The following BCAS1 variants were observed in gnomAD, a reference collection of about 807,000 sequenced individuals.
The protein encoded by BCAS1 is breast carcinoma-amplified sequence 1.
A neutral mutation model predicts 65.4 loss-of-function variants in BCAS1; 46 were observed. That is an observed-to-expected ratio of 0.70 (90% confidence interval 0.55 to 0.90). BCAS1 has a LOEUF of 0.90. Among genes scored for constraint, BCAS1 ranks in the 40% least tolerant of loss-of-function variants. The pLI is 0.00. For synonymous variants in BCAS1, 298 were observed against 293.5 expected, an observed-to-expected ratio of 1.02 and a Z score of -0.16; for missense variants, 793 against 771.2, an observed-to-expected ratio of 1.03 and a Z score of -0.33.
At chr20:53,984,748 C>G (rs2090568327) in intron 8 of BCAS1, among the ~76,000 whole-genome samples, 2 of 152,204 alleles carry the variant, frequency 1.3e-5, no homozygotes, top group African/African-American at 2.4e-5. Context: ...CAGATGGGAA[C>G]AAAATCAGAC....
chr20:54,045,722 G>A (rs977365231), intron 3 of BCAS1, among the ~76,000 whole-genome samples: 2 of 152,252 alleles, frequency 1.3e-5, no homozygotes, highest in Non-Finnish European at 1.5e-5. Context: ...TAAGGCAACT[G>A]TGTAATTGTA....
At chr20:54,051,950 G>C (rs748978261) in intron 3 of BCAS1, among the ~76,000 whole-genome samples, 8 of 152,040 alleles carry the variant, frequency 5.3e-5, no homozygotes, top group Non-Finnish European at 1.2e-4. Flanking sequence ...CGTTGGCCAG[G>C]CTGGTCTCAA....
chr20:54,003,845 C>T (rs2091118908), intron 4 of BCAS1, among the ~76,000 whole-genome samples: 2 of 152,130 alleles, frequency 1.3e-5, no homozygotes, highest in South Asian at 4.1e-4. Context: ...AAGAGATGTA[C>T]TTTTTAAAAA....
chr20:53,951,591 A>G (rs1438669688), intron 12 of BCAS1, among the ~76,000 whole-genome samples: 1 of 152,344 alleles, frequency 6.6e-6, no homozygotes, highest in South Asian at 2.1e-4. Context: ...TGTAGCATCA[A>G]TCAGGAGCTT....
intron 2 of BCAS1, 145 bp downstream of exon 2, chr20:54,058,502 A>G (rs1027518116): frequency 1.1e-4 from 160 of 1,397,844 alleles, no homozygotes; most frequent in Non-Finnish European, 1.5e-4. Flanking sequence ...GACACCTTTT[A>G]GGTTATCCTC....
chr20:54,035,188 G>A lies in BCAS1; in HGVS notation c.143-6216C>T, dbSNP rs562448875. Among the ~76,000 whole-genome samples, 38 of 150,792 alleles carry A rather than the reference G, an allele frequency of 2.5e-4. 1 individual carries two copies. Among genetic ancestry groups the A allele is most frequent in the Non-Finnish European group, 5.2e-4 (35 of 67,408 alleles). ...AGCACTTTGGAAGGCCGAGGAGGGC[G>A]GATCATGAGGTCAGGAGATCGAGAA... On this transcript the variant is annotated intron_variant, in intron 3 of 12. Coordinates refer to ENST00000688948, the MANE Select transcript of BCAS1 (RefSeq NM_001366298.2).
intron 7 of BCAS1, among the ~76,000 whole-genome samples, chr20:53,987,618 CAT>C (rs1341702636): frequency 6.6e-6 from 1 of 152,150 alleles, no homozygotes; most frequent in African/African-American, 2.4e-5. Flanking sequence ...GCTGGGGTTA[CAT>C]GTCCTCAAGG....
chr20:53,994,888 T>TACACACACACACAC lies in BCAS1; in HGVS notation c.927+110_927+123dup, dbSNP rs11471603. 7.0e-3 allele frequency: 3,902 copies of TACACACACACACAC among 556,656 alleles called. 59 individuals carry two copies. Among genetic ancestry groups the TACACACACACACAC allele is most frequent in the East Asian group, 0.042 (1,259 of 29,674 alleles). 34.5% of individuals were successfully genotyped at this position (556,656 alleles called of 1,614,324 possible). On this transcript the variant is annotated intron_variant, in intron 6 of 12. Transcript: ENST00000688948. The stretch of plus-strand genomic sequence containing the variant: ...AATTGCTAATTATATATAGATATGA[T>TACACACACACACAC]ACACACACACACACACACACACACA...
At chr20:53,974,066 C>T (rs1292261389) in intron 9 of BCAS1, among the ~76,000 whole-genome samples, 1 of 151,906 alleles carries the variant, frequency 6.6e-6, no homozygotes, top group Non-Finnish European at 1.5e-5. Flanking sequence ...TCTGTAAAAA[C>T]ACACCAATCA....
chr20:54,002,653 TTAA>T (rs1400238348), intron 4 of BCAS1, among the ~76,000 whole-genome samples: 1 of 152,062 alleles, frequency 6.6e-6, no homozygotes, highest in Non-Finnish European at 1.5e-5. Flanking sequence ...GTCACCAAAA[TTAA>T]TAATAAATCT....
chr20:53,948,770 C>T (rs1388434015), intron 12 of BCAS1, among the ~76,000 whole-genome samples: 1 of 152,192 alleles, frequency 6.6e-6, no homozygotes, highest in Non-Finnish European at 1.5e-5. Flanking sequence ...TTTACAGATG[C>T]AGAAACTGAG....
At chr20:54,043,598 C>A (rs1052331266) in intron 3 of BCAS1, among the ~76,000 whole-genome samples, 4 of 152,144 alleles carry the variant, frequency 2.6e-5, no homozygotes, top group Non-Finnish European at 5.9e-5. Context: ...CAGTTCCCTG[C>A]AAACTCCATT....
intron 7 of BCAS1, among the ~76,000 whole-genome samples, chr20:53,989,711 G>A (rs1338235107): frequency 2.0e-5 from 3 of 152,100 alleles, no homozygotes; most frequent in Non-Finnish European, 4.4e-5. Context: ...CAACCAACTG[G>A]ATATTCTTTG....
At chr20:53,945,328 A>G (rs6097681) in intron 12 of BCAS1, among the ~76,000 whole-genome samples, 8,904 of 152,128 alleles carry the variant, frequency 0.059, 534 homozygotes, top group African/African-American at 0.15. Context: ...CTTAGTACCT[A>G]GGGGGTACTA....
At chr20:53,986,865 A>G (rs933216041) in intron 7 of BCAS1, among the ~76,000 whole-genome samples, 2 of 152,174 alleles carry the variant, frequency 1.3e-5, no homozygotes, top group African/African-American at 4.8e-5. Context: ...ACTCCAGCCT[A>G]GGCAACAGAA....
At chr20:54,016,016 G>T (rs933561102) in intron 4 of BCAS1, among the ~76,000 whole-genome samples, 1 of 152,216 alleles carries the variant, frequency 6.6e-6, no homozygotes, top group African/African-American at 2.4e-5. Flanking sequence ...ATTCCACGCT[G>T]CTCTTTGGGT....
At chr20:53,995,383 A>C (rs1177715007) in intron 5 of BCAS1, among the ~76,000 whole-genome samples, 1 of 152,142 alleles carries the variant, frequency 6.6e-6, no homozygotes, top group African/African-American at 2.4e-5. Flanking sequence ...TTTGTGGCAC[A>C]TTCTGTTGAC....
rs2089254256 is a variant in BCAS1, at chr20:53,944,819, G to T, written c.*103C>A. On this transcript the variant is annotated 3_prime_UTR_variant, in exon 13 of 13. Transcript: ENST00000688948. ...TTTCTAGGCAGAATTTCATTTGCTG[G>T]CCATCAGAAGAATATATACATGGAG... The T allele has an allele frequency of 6.5e-6, 7 of 1,074,900 alleles. No individual in the cohort carries two copies. In the South Asian group the frequency reaches 7.5e-5, roughly 12 times the overall value. 66.6% of individuals were successfully genotyped at this position (1,074,900 alleles called of 1,614,324 possible).
intron 9 of BCAS1, among the ~76,000 whole-genome samples, chr20:53,967,757 G>A (rs1249006013): frequency 2.0e-5 from 3 of 152,160 alleles, no homozygotes; most frequent in South Asian, 2.1e-4. Flanking sequence ...TGTCTGTGGC[G>A]GCTTGGATGG....
Sources: allele counts gnomAD v4.1 joint callset (sites outside exome capture counted in the v4.1 genomes callset), GRCh38; gene constraint gnomAD v4.1.1; transcripts MANE v1.5; gene names NCBI Gene and HGNC (gene_info 2026-07-23, HGNC 2026-07-21).